CYP17A1: variants seen among roughly 807,000 people sequenced by gnomAD.
The protein encoded by CYP17A1 is steroid 17-alpha-hydroxylase/17,20 lyase.
A neutral mutation model predicts 38.5 loss-of-function variants in CYP17A1; 27 were observed. That is an observed-to-expected ratio of 0.70 (90% confidence interval 0.52 to 0.97). CYP17A1 has a LOEUF of 0.97. Among genes scored for constraint, CYP17A1 ranks in the 50% least tolerant of loss-of-function variants. CYP17A1 has a pLI of 0.00. For synonymous variants in CYP17A1, 263 were observed against 253.3 expected, an observed-to-expected ratio of 1.04 and a Z score of -0.36; for missense variants, 549 against 645.9, an observed-to-expected ratio of 0.85 and a Z score of 1.63.
At chr10:102,831,367 G>T in intron 7 of CYP17A1, 141 bp downstream of exon 7, 1 of 1,387,932 alleles carries the variant, frequency 7.2e-7, no homozygotes, top group Non-Finnish European at 9.9e-7. Flanking sequence ...TCTATGGCAG[G>T]ATGAGGGTGT....
At position 102,837,399 on chromosome 10, in the gene CYP17A1, G is replaced by C. The variant is rs1453103643; in HGVS notation, c.-38C>G. On this transcript the variant is annotated 5_prime_UTR_variant, in exon 1 of 8. Transcript: ENST00000369887. ...CCGGCAGGCAAGATAGACAGCAGTG[G>C]AGTAGAAGAGCTGTGGCAACTCTAG... 1 of 1,322,414 alleles carries C rather than the reference G, an allele frequency of 7.6e-7. No individual in the cohort carries two copies. The highest frequency in any genetic ancestry group is 1.2e-5 in the South Asian group (1 of 85,202). The allele number at this position is 1,322,414 out of a possible 1,614,324, so 81.9% of individuals were successfully genotyped here.
At chr10:102,836,992 T>A in intron 1 of CYP17A1, 73 bp downstream of exon 1, 1 of 877,734 alleles carries the variant, frequency 1.1e-6, no homozygotes, top group Non-Finnish European at 2.0e-6. Context: ...AGCCCCATTC[T>A]AGGCATGGTC....
intron 1 of CYP17A1, 26 bp from the exon 2 acceptor site, chr10:102,835,418 G>T: frequency 1.2e-6 from 2 of 1,600,530 alleles, no homozygotes; most frequent in South Asian, 1.1e-5. Context: ...AAGGCTGTAG[G>T]AATCTCACAC....
chr10:102,835,038 G>A (rs1210007646), intron 2 of CYP17A1, 24 bp from the exon 3 acceptor site: 1 of 1,443,392 alleles, frequency 6.9e-7, no homozygotes, highest in Non-Finnish European at 9.7e-7. Context: ...GGGCATGAGG[G>A]TGGGAAATGA....
At chr10:102,835,055 A>T in intron 2 of CYP17A1, 41 bp from the exon 3 acceptor site, 1 of 1,287,986 alleles carries the variant, frequency 7.8e-7, no homozygotes, top group Non-Finnish European at 1.1e-6. Context: ...ATGAATCAGC[A>T]CCCTTACCCC....
At chr10:102,831,431 G>A (rs778298833) in intron 7 of CYP17A1, 77 bp downstream of exon 7, 367 of 1,589,564 alleles carry the variant, frequency 2.3e-4, no homozygotes, top group Middle Eastern at 3.4e-4. Context: ...GCTTGGCAGA[G>A]GTGAAGGGGT....
At position 102,830,723 on chromosome 10, in the gene CYP17A1, G is replaced by C; in HGVS notation, c.1506C>G (p.Ala502=). Reference sequence around the variant, plus strand: ...GCCTTTAGGTGCTACCCTCAGCCTGGGCTTCCCTCCAGGCCTGGCGCACCT... The same window carrying C: ...GCCTTTAGGTGCTACCCTCAGCCTGCGCTTCCCTCCAGGCCTGGCGCACCT... ...KIKVRQAWRE[A]QAEGST is the part of the protein sequence containing the mutation. The change falls in exon 8 of 8, where the codon GCC becomes GCG. Residue 502 remains alanine, a synonymous_variant. Coordinates refer to ENST00000369887, the MANE Select transcript of CYP17A1 (RefSeq NM_000102.4). This position sits in a 1 kb window ranked among gnomAD's most constrained non-coding sequence, Gnocchi z 4.1. The C allele has an allele frequency of 6.2e-7, 1 of 1,600,286 alleles. No individual in the cohort carries two copies. Among genetic ancestry groups the C allele is most frequent in the Non-Finnish European group, 8.5e-7 (1 of 1,169,836 alleles).
chr10:102,836,750 T>C (rs1844167453), intron 1 of CYP17A1: 4 of 437,346 alleles, frequency 9.1e-6, no homozygotes, highest in Middle Eastern at 6.9e-4. Context: ...TACATGCACC[T>C]TCTCAGTCCA....
chr10:102,831,525 G>A lies in CYP17A1; in HGVS notation c.1226C>T (p.Pro409Leu), dbSNP rs367833709. Residue 409 changes from proline to leucine, a missense_variant, in exon 7 of 8, where the codon CCG becomes CTG. Around this residue, in one of 3 missense-constraint regions of CYP17A1, gnomAD observed 257 missense variants for 307.9 expected, o/e 0.83. Coordinates refer to ENST00000369887, the MANE Select transcript of CYP17A1 (RefSeq NM_000102.4). ...LHHNEKEWHQ[P>L]DQFMPERFLN... The stretch of plus-strand genomic sequence containing the variant: ...AGACTCACCAGGCATGAACTGATCC[G>A]GCTGGTGCCACTCCTTCTCATTGTG... The A allele has an allele frequency of 1.9e-6, 3 of 1,613,940 alleles. No homozygotes were observed. The highest frequency in any genetic ancestry group is 1.3e-5 in the African/African-American group (1 of 75,008).
At chr10:102,836,162 C>A (rs970340929) in intron 1 of CYP17A1, among the ~76,000 whole-genome samples, 2 of 152,108 alleles carry the variant, frequency 1.3e-5, no homozygotes, top group Admixed American at 6.5e-5. Flanking sequence ...TTGGCTTGAT[C>A]AAAGCTGAGA....
chr10:102,834,966 C>T lies in CYP17A1; in HGVS notation c.485G>A (p.Gly162Glu). Residue 162 changes from glycine (G) to glutamate (E), a missense_variant, in exon 3 of 8, where the codon GGA (glycine) becomes GAA (glutamate). Gly to Glu is a moderately conservative substitution (Grantham distance 98). Around this residue, in one of 3 missense-constraint regions of CYP17A1, gnomAD observed 289 missense variants for 320.9 expected, o/e 0.90. Transcript: ENST00000369887. The stretch of plus-strand genomic sequence containing the variant: ...AGGAAAGGAGATGTCTATGGACTGT[C>T]CGTTGTGGGTGGCCAGCATATCACA... ...TLCDMLATHN[G>E]QSIDISFPVF... is the part of the protein sequence containing the mutation. 2 of 1,612,096 alleles carry T rather than the reference C, an allele frequency of 1.2e-6. No homozygotes were observed. Among genetic ancestry groups the T allele is most frequent in the Non-Finnish European group, 1.7e-6 (2 of 1,178,978 alleles).
chr10:102,830,840 G>A lies in CYP17A1; in HGVS notation c.1389C>T (p.Phe463=), dbSNP rs201774219. The A allele has an allele frequency of 5.1e-5, 81 of 1,596,990 alleles. No individual in the cohort carries two copies. In the Admixed American group the frequency reaches 1.0e-3, roughly 20 times the overall value. The change falls in exon 8 of 8, where the codon TTC becomes TTT. Residue 463 remains phenylalanine (F), a synonymous_variant. Transcript: ENST00000369887. This position sits in a 1 kb window ranked among gnomAD's most constrained non-coding sequence, Gnocchi z 4.1. Reference sequence around the variant, plus strand: ...GCCCATCATCTGGCACCTCCAGGTCGAACCTCTGCAGCAGCCAGGCCATGA... The same window carrying A: ...GCCCATCATCTGGCACCTCCAGGTCAAACCTCTGCAGCAGCCAGGCCATGA... ...FLIMAWLLQR[F]DLEVPDDGQL...
At chr10:102,835,481 G>A (rs1461820593) in intron 1 of CYP17A1, 89 bp from the exon 2 acceptor site, 1 of 1,119,870 alleles carries the variant, frequency 8.9e-7, no homozygotes, top group Non-Finnish European at 1.4e-6. Flanking sequence ...CCTTCCTGGA[G>A]GAGAAGGCAG....
In CYP17A1 at chr10:102,830,619, T is replaced by C; in HGVS notation, c.*83A>G. 1.3e-6 allele frequency: 1 copy of C among 789,608 alleles called. No homozygotes were observed. The highest frequency in any genetic ancestry group is 1.5e-5 in the South Asian group (1 of 68,512). 48.9% of individuals were successfully genotyped at this position (789,608 alleles called of 1,614,324 possible). On this transcript the variant is annotated 3_prime_UTR_variant, in exon 8 of 8. Transcript: ENST00000369887. The surrounding 1 kb of genome is among the most constrained non-coding windows in gnomAD (Gnocchi z 4.1). Reference sequence around the variant, plus strand: ...AGAGTGGGTTGGGAGTAGGGAAGAATGGCGGAGAAGGGTGGGGGGTTGTAT... The same window carrying C: ...AGAGTGGGTTGGGAGTAGGGAAGAACGGCGGAGAAGGGTGGGGGGTTGTAT...
At chr10:102,836,639 C>T (rs10786712) in intron 1 of CYP17A1, 74,898 of 199,818 alleles carry the variant, frequency 0.37, 14,476 homozygotes, top group East Asian at 0.54. Context: ...CAGCAGCTTT[C>T]ATGGAGGACA....
At chr10:102,831,659 C>T (rs1428510658) in intron 6 of CYP17A1, 48 bp from the exon 7 acceptor site, 1 of 1,607,490 alleles carries the variant, frequency 6.2e-7, no homozygotes, top group African/African-American at 1.3e-5. Context: ...TTCGTACTCC[C>T]TTCCTTGCTC....
intron 1 of CYP17A1, 151 bp downstream of exon 1, chr10:102,836,914 A>C: frequency 1.4e-6 from 1 of 713,324 alleles, no homozygotes; most frequent in Non-Finnish European, 2.6e-6. Context: ...TGGGGGTCTG[A>C]AGGTTCACTC....
chr10:102,836,455 CAAA>C (rs71019622), intron 1 of CYP17A1, among the ~76,000 whole-genome samples: 901 of 62,538 alleles, frequency 0.014, 8 homozygotes, highest in African/African-American at 0.052. Flanking sequence ...GACTCTGTCT[CAAA>C]AAAAAAAAAA....
chr10:102,835,942 A>C (rs763655964), intron 1 of CYP17A1, among the ~76,000 whole-genome samples: 3 of 152,162 alleles, frequency 2.0e-5, no homozygotes, highest in Non-Finnish European at 4.4e-5. Context: ...TTGTCTACCC[A>C]GTCTGGACTT....
Sources: allele counts gnomAD v4.1 joint callset (sites outside exome capture counted in the v4.1 genomes callset), GRCh38; gene constraint gnomAD v4.1.1; regional missense constraint gnomAD v4.1.1; non-coding constraint Gnocchi (gnomAD v3.1); transcripts MANE v1.5; gene names NCBI Gene and HGNC (gene_info 2026-07-23, HGNC 2026-07-21).